FHOD1: variants seen among roughly 807,000 people sequenced by gnomAD.
FHOD1 encodes the protein FH1/FH2 domain-containing protein 1.
A neutral mutation model predicts 111.6 loss-of-function variants in FHOD1; 89 were observed. The observed-to-expected ratio is 0.80, with a 90% confidence interval of 0.67 to 0.95. FHOD1 has a LOEUF of 0.95. FHOD1 is among the 40% of genes least tolerant of loss of function. The pLI is 0.00. For missense variants in FHOD1, 1,446 were observed against 1,554.2 expected (o/e 0.93, Z 1.17); for synonymous variants, 618 against 639.0 (o/e 0.97, Z 0.50).
rs2034262634 is a variant in FHOD1, at chr16:67,231,358, AC to A, written c.2506-10del. On this transcript the variant is annotated splice_polypyrimidine_tract_variant and intron_variant, in intron 16 of 21. Coordinates refer to ENST00000258201, the MANE Select transcript of FHOD1 (RefSeq NM_013241.3). This position sits in a 1 kb window ranked among gnomAD's most constrained non-coding sequence, Gnocchi z 4.3. ...AGCTCAAAGCCGCTGCTCTGAAAGG[AC>A]CCTTTCTGAGCCTGGGCCTGGTTGG... The A allele has an allele frequency of 1.2e-6, 2 of 1,613,806 alleles. No homozygotes were observed. The highest frequency in any genetic ancestry group is 2.7e-5 in the African/African-American group (2 of 74,908).
chr16:67,230,285 T>TC (rs2034204796), intron 19 of FHOD1, 29 bp downstream of exon 19: 1 of 1,613,388 alleles, frequency 6.2e-7, no homozygotes, highest in Admixed American at 1.7e-5. Context: ...GAGGTGGCAG[T>TC]CAAGACTAAG....
At position 67,230,447 on chromosome 16, in the gene FHOD1, A is replaced by G. The variant is rs530863029; in HGVS notation, c.2918T>C (p.Ile973Thr). 171 of 1,614,244 alleles carry G rather than the reference A, an allele frequency of 1.1e-4. No homozygotes were observed. The South Asian group carries it at 1.4e-3, about 13-fold the overall frequency. ...CCGCAGCGTGTGGCAGAACTGCATG[A>G]TGCGCACTTCACGGGCCGCCTGCGG... ...YTPQAAREVRIMQFCHTLREF... is the reference protein window; with the variant it reads ...YTPQAAREVRTMQFCHTLREF... Residue 973 changes from isoleucine (I) to threonine (T), a missense_variant, in exon 19 of 22, where the codon ATC (isoleucine) becomes ACC (threonine). By Grantham distance (89) the Ile-to-Thr change is moderately conservative (BLOSUM62 -1). Coordinates refer to ENST00000258201, the MANE Select transcript of FHOD1 (RefSeq NM_013241.3).
rs373831988 is a variant in FHOD1, at chr16:67,237,347, G to T, written c.885C>A (p.Tyr295Ter). Reference protein sequence around the residue: ...LAALPDQDSFYDVTDALEQQG... With the variant: ...LAALPDQDSF ...GCTGCTCCAGTGCATCCGTCACATC[G>T]TAGAAGGAGTCCTGGTCCGGGAGCG... Residue 295 changes from tyrosine to a stop codon, truncating the protein, a stop_gained, in exon 9 of 22, where the codon TAC becomes TAA. Transcript: ENST00000258201. LOFTEE classifies it high-confidence loss of function. The surrounding 1 kb of genome is among the most constrained non-coding windows in gnomAD (Gnocchi z 5.6). The T allele has an allele frequency of 6.2e-7, 1 of 1,614,010 alleles. No individual in the cohort carries two copies. The highest frequency in any genetic ancestry group is 8.5e-7 in the Non-Finnish European group (1 of 1,180,020).
intron 11 of FHOD1, chr16:67,236,272 G>A: frequency 1.1e-6 from 1 of 872,892 alleles, no homozygotes; most frequent in Non-Finnish European, 1.6e-6. Context: ...GACAGAGGCA[G>A]CAGAACAAGG....
intron 11 of FHOD1, among the ~76,000 whole-genome samples, chr16:67,235,427 G>A (rs2034439997): frequency 6.6e-6 from 1 of 151,946 alleles, no homozygotes; most frequent in African/African-American, 2.4e-5. Context: ...CTACTTGGGA[G>A]GCTGAGGCAG....
intron 11 of FHOD1, chr16:67,236,334 C>A (rs891537418): frequency 1.4e-6 from 2 of 1,380,560 alleles, no homozygotes; most frequent in African/African-American, 1.5e-5. Flanking sequence ...ACAGGCAGAA[C>A]GTCGGAGGAG....
intron 1 of FHOD1, among the ~76,000 whole-genome samples, chr16:67,244,485 G>A (rs1333290341): frequency 4.6e-5 from 7 of 152,126 alleles, no homozygotes; most frequent in Non-Finnish European, 8.8e-5. Flanking sequence ...CCAGGGCCAG[G>A]AGATGAGTCA....
rs2034514966 is a variant in FHOD1, at chr16:67,237,120, A to G, written c.994-6T>C. 6.2e-7 allele frequency: 1 copy of G among 1,608,812 alleles called. No individual in the cohort carries two copies. Among genetic ancestry groups the G allele is most frequent in the Non-Finnish European group, 8.5e-7 (1 of 1,177,470 alleles). ...TCCTCCAATTTCAGGGCGTTCTAGC[A>G]GAGGCGGACCAGGATGTAAGAAAGT... On this transcript the variant is annotated splice_polypyrimidine_tract_variant and splice_region_variant and intron_variant, in intron 9 of 21. Transcript: ENST00000258201. The surrounding 1 kb of genome is among the most constrained non-coding windows in gnomAD (Gnocchi z 5.6).
intron 11 of FHOD1, among the ~76,000 whole-genome samples, chr16:67,235,440 G>T (rs2034440634): frequency 6.7e-6 from 1 of 149,684 alleles, no homozygotes; most frequent in South Asian, 2.2e-4. Context: ...TGAGGCAGGA[G>T]AATTGCTTGA....
In FHOD1 at chr16:67,238,596, G is replaced by T; in HGVS notation, c.374-149C>A. 1.2e-6 allele frequency: 1 copy of T among 806,632 alleles called. No individual in the cohort carries two copies. Among genetic ancestry groups the T allele is most frequent in the Non-Finnish European group, 2.1e-6 (1 of 486,360 alleles). 50.0% of individuals were successfully genotyped at this position (806,632 alleles called of 1,614,324 possible). ...GTCTCACTCTGTCACTCAGGCTGGA[G>T]TGTGGAGTGCAGTGGCACAGTCATA... On this transcript the variant is annotated intron_variant, in intron 3 of 21. Transcript: ENST00000258201. The surrounding 1 kb of genome is among the most constrained non-coding windows in gnomAD (Gnocchi z 4.2).
chr16:67,234,733 A>G, intron 11 of FHOD1: 1 of 458,226 alleles, frequency 2.2e-6, no homozygotes, highest in Non-Finnish European at 3.9e-6. Context: ...CTAACTTGCA[A>G]CCTCGTTCAT....
Position 67,231,384 on chromosome 16 carries a change from G to GCTCCAGAACCCTGA in FHOD1, c.2505+32_2506-36dup. On this transcript the variant is annotated intron_variant, in intron 16 of 21. Transcript: ENST00000258201. The surrounding 1 kb of genome is among the most constrained non-coding windows in gnomAD (Gnocchi z 4.3). ...CCCTTTCTGAGCCTGGGCCTGGTTG[G>GCTCCAGAACCCTGA]CTCCAGAACCCTGACTCCCCCTAGT... 1 of 1,614,006 alleles carries GCTCCAGAACCCTGA rather than the reference G, an allele frequency of 6.2e-7. No individual in the cohort carries two copies. Among genetic ancestry groups the GCTCCAGAACCCTGA allele is most frequent in the African/African-American group, 1.3e-5 (1 of 75,014 alleles).
chr16:67,245,293 G>C (rs1304681586), intron 1 of FHOD1, among the ~76,000 whole-genome samples: 2 of 152,186 alleles, frequency 1.3e-5, no homozygotes, highest in Non-Finnish European at 2.9e-5. Flanking sequence ...ATTCTTCACC[G>C]GAGCTCAGTA....
At position 67,237,348 on chromosome 16, in the gene FHOD1, TAGA is replaced by T. The variant is rs1312224502; in HGVS notation, c.881_883del (p.Phe294del). ...CTGCTCCAGTGCATCCGTCACATCG[TAGA>T]AGGAGTCCTGGTCCGGGAGCGCCGC... On this transcript the variant is annotated inframe_deletion, in exon 9 of 22. Transcript: ENST00000258201. The surrounding 1 kb of genome is among the most constrained non-coding windows in gnomAD (Gnocchi z 5.6). The T allele has an allele frequency of 5.0e-6, 8 of 1,613,888 alleles. No individual in the cohort carries two copies. The South Asian group carries it at 6.6e-5, about 13-fold the overall frequency.
At chr16:67,245,642 G>A (rs1567397835) in intron 1 of FHOD1, among the ~76,000 whole-genome samples, 1 of 152,030 alleles carries the variant, frequency 6.6e-6, no homozygotes, top group Non-Finnish European at 1.5e-5. Flanking sequence ...CTATTTGGAA[G>A]GCTGAGGCAC....
chr16:67,239,718 C>T (rs1024180698), intron 1 of FHOD1, among the ~76,000 whole-genome samples: 3 of 152,170 alleles, frequency 2.0e-5, no homozygotes, highest in African/African-American at 7.2e-5. Flanking sequence ...GCTATGCAAC[C>T]CACTCCACCC....
rs537773485 is a variant in FHOD1, at chr16:67,243,220, C to T, written c.202-3766G>A. ...TGTCTCCTTTCCTATAAACACAGGA[C>T]CCTGTGTTCTGAAGACCCTCCTTTC... On this transcript the variant is annotated intron_variant, in intron 1 of 21. Coordinates refer to ENST00000258201, the MANE Select transcript of FHOD1 (RefSeq NM_013241.3). Among the ~76,000 whole-genome samples the T allele has an allele frequency of 4.4e-3, 667 of 152,102 alleles. 6 individuals are homozygous for T. The highest frequency in any genetic ancestry group is 0.015 in the African/African-American group (619 of 41,486).
chr16:67,236,136 C>A lies in FHOD1; in HGVS notation c.1319+421G>T. ...TCAGCTCCATGGTTGCTCATACCCA[C>A]ACAGAGCTAGGCAGTGATATTGGGG... On this transcript the variant is annotated intron_variant, in intron 11 of 21. Transcript: ENST00000258201. 4 of 695,498 alleles carry A rather than the reference C, an allele frequency of 5.8e-6. No homozygotes were observed. In the African/African-American group the frequency reaches 5.8e-5, roughly 10 times the overall value. 43.1% of individuals were successfully genotyped at this position (695,498 alleles called of 1,614,324 possible).
At chr16:67,234,562 T>C (rs2034412172) in intron 11 of FHOD1, 90 bp from the exon 12 acceptor site, 1 of 1,102,106 alleles carries the variant, frequency 9.1e-7, no homozygotes, top group Non-Finnish European at 1.3e-6. Flanking sequence ...CACCCCCAAT[T>C]GCAGGCACGC....
Sources: allele counts gnomAD v4.1 joint callset (sites outside exome capture counted in the v4.1 genomes callset), GRCh38; gene constraint gnomAD v4.1.1; non-coding constraint Gnocchi (gnomAD v3.1); transcripts MANE v1.5; gene names NCBI Gene and HGNC (gene_info 2026-07-23, HGNC 2026-07-21).